The following ZSCAN25 variants were observed in gnomAD, a reference collection of about 807,000 sequenced individuals.
ZSCAN25 encodes zinc finger and SCAN domain-containing protein 25.
Under a neutral mutation model 38.7 loss-of-function variants are expected in ZSCAN25, and 27 were observed. That is an observed-to-expected ratio of 0.70 (90% CI 0.51 to 0.96). The LOEUF (loss-of-function observed/expected upper bound fraction) is 0.96, where lower values mean the gene tolerates loss of function less well. ZSCAN25 is among the 40% of genes least tolerant of loss of function. The pLI is 0.00. For synonymous variants in ZSCAN25, 273 were observed against 277.7 expected (o/e 0.98, Z 0.17); for missense variants, 637 against 705.9 (o/e 0.90, Z 1.11).
At chr7:99,638,695 G>T in the ZSCAN25 span, 18 of 1,461,304 alleles carry the variant, frequency 1.2e-5, no homozygotes, top group South Asian at 2.0e-4. Context: ...TGTCTTGCCG[G>T]CCGCATCCAG....
chr7:99,714,310 C>G, the ZSCAN25 span, among the ~76,000 whole-genome samples: 1 of 152,160 alleles, frequency 6.6e-6, no homozygotes, highest in Non-Finnish European at 1.5e-5. Context: ...ATATTTATGT[C>G]ATGGCATACT....
At chr7:99,703,198 A>C in the ZSCAN25 span, among the ~76,000 whole-genome samples, 1 of 152,174 alleles carries the variant, frequency 6.6e-6, no homozygotes, top group South Asian at 2.1e-4. Flanking sequence ...TGGAGTTATC[A>C]TTTGGAGGGT....
At chr7:99,666,907 A>G in the ZSCAN25 span, 1 of 1,607,492 alleles carries the variant, frequency 6.2e-7, no homozygotes, top group Non-Finnish European at 8.5e-7. Context: ...CTGTCCCCAG[A>G]TTCATTCTTT....
At chr7:99,665,689 G>A in the ZSCAN25 span, among the ~76,000 whole-genome samples, 3 of 152,240 alleles carry the variant, frequency 2.0e-5, no homozygotes, top group Admixed American at 1.3e-4. Flanking sequence ...ACTCTTCCTA[G>A]TGGATTCAAG....
At chr7:99,665,083 T>G in the ZSCAN25 span, 1 of 1,175,900 alleles carries the variant, frequency 8.5e-7, no homozygotes, top group Non-Finnish European at 1.2e-6. Flanking sequence ...ACCTTTTAAG[T>G]GGATGAATTA....
the ZSCAN25 span, chr7:99,700,158 T>A: frequency 1.8e-5 from 12 of 677,710 alleles, no homozygotes. Flanking sequence ...GCTGCTGAAA[T>A]GTTTATGTGC....
rs1281778959 is a variant in ZSCAN25, at chr7:99,619,655, G to A, written c.49G>A (p.Gly17Ser). The change falls in exon 4 of 8, where the codon GGT (glycine) becomes AGT (serine). Residue 17 changes from glycine to serine, a missense_variant. Physicochemically the swap from Gly to Ser is moderately conservative, Grantham distance 56 (BLOSUM62 0). Coordinates refer to ENST00000394152, the MANE Select transcript of ZSCAN25 (RefSeq NM_145115.3). ...EMAEAPQQQL[G>S]IPVVKLEKEL... ...GGCGGAAGCTCCTCAGCAGCAGTTG[G>A]GTATTCCTGTGGTGAAACTGGAGAA... The A allele has an allele frequency of 6.2e-7, 1 of 1,614,234 alleles. No homozygotes were observed. Among genetic ancestry groups the A allele is most frequent in the Non-Finnish European group, 8.5e-7 (1 of 1,180,038 alleles).
chr7:99,735,142 C>T, the ZSCAN25 span: 10,480 of 1,610,904 alleles, frequency 6.5e-3, 476 homozygotes, highest in African/African-American at 0.11. Context: ...TTTTCAGCAG[C>T]GTGCTGCTGT....
the ZSCAN25 span, among the ~76,000 whole-genome samples, chr7:99,694,198 AGAGT>A: frequency 1.3e-5 from 2 of 152,230 alleles, no homozygotes; most frequent in African/African-American, 4.8e-5. Context: ...TGAGGGAAAG[AGAGT>A]GAGTGTCAGA....
At chr7:99,699,831 G>A in the ZSCAN25 span, 1 of 631,680 alleles carries the variant, frequency 1.6e-6, no homozygotes, top group Non-Finnish European at 2.9e-6. Context: ...TAACCTCTAT[G>A]TGTTTGTAGC....
intron 5 of ZSCAN25, chr7:99,622,302 A>T: frequency 1.9e-6 from 1 of 537,602 alleles, no homozygotes; most frequent in Non-Finnish European, 3.3e-6. Flanking sequence ...GTAGCCCTGG[A>T]CGGACAGGGC....
chr7:99,719,604 AT>A, the ZSCAN25 span, among the ~76,000 whole-genome samples: 14 of 152,036 alleles, frequency 9.2e-5, no homozygotes, highest in African/African-American at 3.4e-4. Flanking sequence ...CCATAAAAAA[AT>A]ATTAATACAT....
At chr7:99,677,849 A>G in the ZSCAN25 span, among the ~76,000 whole-genome samples, 2 of 152,228 alleles carry the variant, frequency 1.3e-5, no homozygotes, top group Non-Finnish European at 2.9e-5. Flanking sequence ...CTGACCTCTC[A>G]GGTGAGGACA....
chr7:99,619,319 A>G (rs1203932085), intron 3 of ZSCAN25, among the ~76,000 whole-genome samples, 187 bp downstream of exon 3: 2 of 152,190 alleles, frequency 1.3e-5, no homozygotes, highest in Non-Finnish European at 2.9e-5. Context: ...TTCTCCAGTG[A>G]GATCCTAAGT....
chr7:99,714,493 A>G, the ZSCAN25 span: 4 of 1,600,794 alleles, frequency 2.5e-6, no homozygotes, highest in East Asian at 2.2e-5. Flanking sequence ...CACCGATCAT[A>G]TGTATATTTC....
At chr7:99,674,056 G>A in the ZSCAN25 span, among the ~76,000 whole-genome samples, 1 of 152,274 alleles carries the variant, frequency 6.6e-6, no homozygotes, top group Admixed American at 6.5e-5. Flanking sequence ...TCCCAAGAAG[G>A]CTATGAAGAG....
the ZSCAN25 span, among the ~76,000 whole-genome samples, chr7:99,724,913 C>T: frequency 6.6e-5 from 10 of 152,154 alleles, no homozygotes; most frequent in African/African-American, 2.4e-4. Flanking sequence ...GACCTCCCCC[C>T]TCTCCCCAGA....
At chr7:99,735,806 C>T in the ZSCAN25 span, among the ~76,000 whole-genome samples, 2 of 152,242 alleles carry the variant, frequency 1.3e-5, no homozygotes, top group Admixed American at 1.3e-4. Context: ...GTCTTACTCA[C>T]TCTCATGGCT....
chr7:99,622,402 G>T, intron 5 of ZSCAN25, 147 bp from the exon 6 acceptor site: 1 of 776,616 alleles, frequency 1.3e-6, no homozygotes, highest in Admixed American at 1.9e-5. Flanking sequence ...GCATGGGAAA[G>T]TGTGGTACCA....
Sources: allele counts gnomAD v4.1 joint callset (sites outside exome capture counted in the v4.1 genomes callset), GRCh38; gene constraint gnomAD v4.1.1; transcripts MANE v1.5; gene names NCBI Gene and HGNC (gene_info 2026-07-23, HGNC 2026-07-21).